The following ASIC2 variants were observed in gnomAD, a reference collection of about 807,000 sequenced individuals.
ASIC2 encodes acid-sensing ion channel 2.
In ASIC2, 25 loss-of-function variants were observed where a neutral mutation model predicts 57.3. That is an observed-to-expected ratio of 0.44 (90% CI 0.32 to 0.61). ASIC2 has a LOEUF of 0.61. Among genes scored for constraint, ASIC2 ranks in the 20% least tolerant of loss-of-function variants. ASIC2 has a pLI of 0.06. For missense variants in ASIC2, 641 were observed against 738.1 expected, an observed-to-expected ratio of 0.87 and a Z score of 1.52; for synonymous variants, 319 against 307.5, an observed-to-expected ratio of 1.04 and a Z score of -0.39.
intron 1 of ASIC2, among the ~76,000 whole-genome samples, chr17:33,643,525 A>G (rs3097986): frequency 0.065 from 9,923 of 152,288 alleles, 361 homozygotes; most frequent in Non-Finnish European, 0.092. Context: ...AGAGTTTTCC[A>G]TAAATGGGTG....
chr17:33,528,306 AG>A (rs1914949274), intron 1 of ASIC2, among the ~76,000 whole-genome samples: 1 of 151,994 alleles, frequency 6.6e-6, no homozygotes, highest in African/African-American at 2.4e-5. Context: ...GTGGGGAAAA[AG>A]GGAGGCCAAT....
At chr17:33,486,146 C>T (rs927228657) in intron 1 of ASIC2, among the ~76,000 whole-genome samples, 6 of 152,188 alleles carry the variant, frequency 3.9e-5, no homozygotes, top group African/African-American at 1.4e-4. Flanking sequence ...ATCTTTGCCC[C>T]TCACCTTGAC....
At chr17:33,452,945 A>G (rs1369431193) in intron 1 of ASIC2, among the ~76,000 whole-genome samples, 1 of 151,016 alleles carries the variant, frequency 6.6e-6, no homozygotes, top group Non-Finnish European at 1.5e-5. Context: ...AGTATTTAGC[A>G]CAAGAAAGGT....
At chr17:33,044,263 C>CATCT (rs1021568883) in intron 3 of ASIC2, among the ~76,000 whole-genome samples, 9 of 29,942 alleles carry the variant, frequency 3.0e-4, no homozygotes, top group African/African-American at 7.1e-4. Context: ...TCCATCTACC[C>CATCT]ATCCATCCAT....
chr17:33,438,552 C>A (rs1911708811), intron 1 of ASIC2, among the ~76,000 whole-genome samples: 2 of 151,802 alleles, frequency 1.3e-5, no homozygotes, highest in East Asian at 3.9e-4. Context: ...TTGTTGAACA[C>A]ATTGAGCTAC....
chr17:33,528,441 T>G (rs575568640), intron 1 of ASIC2, among the ~76,000 whole-genome samples: 11 of 152,192 alleles, frequency 7.2e-5, no homozygotes, highest in Non-Finnish European at 1.3e-4. Context: ...ACACTTATAA[T>G]AAATAAGTCA....
rs374211122 is a variant in ASIC2 at position 33,326,317 on chromosome 17, A to G, written c.556-214250T>C. ...TCAGAGATCTATAGCTAATGTGAAT[A>G]AGATTGAAACTCTGGGCTCTGTGAC... is the stretch of plus-strand genomic sequence containing the variant. On this transcript the variant is annotated intron_variant, in intron 1 of 9. Coordinates refer to the ASIC2 transcript ENST00000359872. 6.6e-5 allele frequency among the ~76,000 whole-genome samples: 10 copies of G among 152,328 alleles called. No homozygotes were observed. The East Asian group carries it at 9.7e-4, about 15-fold the overall frequency.
chr17:33,267,869 A>G (rs1398214036), intron 1 of ASIC2, among the ~76,000 whole-genome samples: 1 of 152,140 alleles, frequency 6.6e-6, no homozygotes, highest in East Asian at 1.9e-4. Context: ...GAGGGAACTG[A>G]AGATTACCCA....
At chr17:33,145,816 G>A (rs1354382075) in intron 1 of ASIC2, among the ~76,000 whole-genome samples, 2 of 152,176 alleles carry the variant, frequency 1.3e-5, no homozygotes, top group Non-Finnish European at 2.9e-5. Flanking sequence ...ACCTGTCTAT[G>A]CAGGAGGCTT....
intron 1 of ASIC2, among the ~76,000 whole-genome samples, chr17:33,695,778 A>T (rs1225110254): frequency 1.3e-5 from 2 of 152,232 alleles, no homozygotes; most frequent in Non-Finnish European, 2.9e-5. Flanking sequence ...GCAATTAGGA[A>T]CATAAATTTA....
intron 1 of ASIC2, among the ~76,000 whole-genome samples, chr17:34,023,559 C>T (rs1446107954): frequency 3.9e-5 from 6 of 152,072 alleles, no homozygotes; most frequent in Non-Finnish European, 8.8e-5. Flanking sequence ...CCATGAGAGC[C>T]CCTCCCTCAT....
At chr17:33,348,013 A>G (rs1250596708) in intron 1 of ASIC2, among the ~76,000 whole-genome samples, 1 of 152,160 alleles carries the variant, frequency 6.6e-6, no homozygotes, top group Non-Finnish European at 1.5e-5. Context: ...GAGGTAGAAG[A>G]ATCGCTTGAA....
chr17:33,274,555 T>G (rs1462219623), intron 1 of ASIC2, among the ~76,000 whole-genome samples: 1 of 152,100 alleles, frequency 6.6e-6, no homozygotes, highest in Non-Finnish European at 1.5e-5. Flanking sequence ...GACTTGTTAC[T>G]TTTTTTGACA....
At chr17:33,175,781 G>C (rs1429077639) in intron 1 of ASIC2, among the ~76,000 whole-genome samples, 1 of 152,002 alleles carries the variant, frequency 6.6e-6, no homozygotes, top group African/African-American at 2.4e-5. Flanking sequence ...TCCCCGGGAG[G>C]CTCCACTTGG....
chr17:34,006,751 G>C (rs1906539231), intron 1 of ASIC2: 1 of 152,104 alleles, frequency 6.6e-6, no homozygotes, highest in African/African-American at 2.4e-5. Flanking sequence ...TATCAAAAGG[G>C]GCTGACCCAT....
At chr17:33,995,728 C>T (rs1906138201) in intron 1 of ASIC2, among the ~76,000 whole-genome samples, 1 of 151,732 alleles carries the variant, frequency 6.6e-6, no homozygotes, top group African/African-American at 2.4e-5. Context: ...AAATAAAATA[C>T]CACATTTTCT....
intron 1 of ASIC2, among the ~76,000 whole-genome samples, chr17:34,122,435 C>T (rs924541279): frequency 2.6e-5 from 4 of 152,318 alleles, no homozygotes; most frequent in Middle Eastern, 3.4e-3. Context: ...CACGGTTCAT[C>T]GGAATGCAAA....
rs555763645 is a variant in ASIC2 at position 33,221,533 on chromosome 17, A to T, written c.708+69875T>A. Among the ~76,000 whole-genome samples, 10 of 152,296 alleles carry T rather than the reference A, an allele frequency of 6.6e-5. No individual in the cohort carries two copies. In the South Asian group the frequency reaches 2.1e-3, roughly 32 times the overall value. On this transcript the variant is annotated intron_variant, in intron 1 of 9. Transcript: ENST00000225823. Reference sequence around the variant, plus strand: ...TTGTGTAAAGATTTTAGGCTTCTAAATTCTGCTCCTACCTGGCACTGACAA... The same window carrying T: ...TTGTGTAAAGATTTTAGGCTTCTAATTTCTGCTCCTACCTGGCACTGACAA...
chr17:33,788,030 G>A lies in ASIC2; in HGVS notation c.555+367948C>T, dbSNP rs909251802. On this transcript the variant is annotated intron_variant, in intron 1 of 9. Coordinates refer to the ASIC2 transcript ENST00000359872. ...AGACTTCATGACAAAAACACCAAAAGCAATTGCAACAAAAGCCAAAATTGA... is the reference window on the plus strand; with the variant it reads ...AGACTTCATGACAAAAACACCAAAAACAATTGCAACAAAAGCCAAAATTGA... 3.3e-5 allele frequency among the ~76,000 whole-genome samples: 5 copies of A among 152,112 alleles called. No individual in the cohort carries two copies. The South Asian group carries it at 6.2e-4, about 19-fold the overall frequency.
Sources: allele counts gnomAD v4.1 joint callset (sites outside exome capture counted in the v4.1 genomes callset), GRCh38; gene constraint gnomAD v4.1.1; transcripts MANE v1.5; gene names NCBI Gene and HGNC (gene_info 2026-07-23, HGNC 2026-07-21).